PCDH15: variants seen among roughly 807,000 people sequenced by gnomAD.
The protein encoded by PCDH15 is protocadherin related 15, also known as protocadherin-15.
A neutral mutation model predicts 178.5 loss-of-function variants in PCDH15; 129 were observed. That is an observed-to-expected ratio of 0.72 (90% CI 0.63 to 0.84). The LOEUF is 0.84. Among genes scored for constraint, PCDH15 ranks in the 40% least tolerant of loss-of-function variants. The pLI is 0.00. For missense variants in PCDH15, 2,230 were observed against 2,099.9 expected (o/e 1.06, Z -1.21); for synonymous variants, 800 against 732.0 (o/e 1.09, Z -1.50).
intron 2 of PCDH15, among the ~76,000 whole-genome samples, chr10:55,161,363 C>T (rs1409337680): frequency 6.6e-6 from 1 of 152,110 alleles, no homozygotes; most frequent in Non-Finnish European, 1.5e-5. Flanking sequence ...TTTAAAACTA[C>T]CTCTGCATAA....
chr10:54,938,690 A>G (rs1837973860), intron 2 of PCDH15, among the ~76,000 whole-genome samples: 1 of 152,178 alleles, frequency 6.6e-6, no homozygotes, highest in Non-Finnish European at 1.5e-5. Context: ...GTTAATTTAT[A>G]TGGCAAAAGA....
intron 26 of PCDH15, among the ~76,000 whole-genome samples, chr10:53,885,545 T>C (rs1170215885): frequency 2.6e-5 from 4 of 152,158 alleles, no homozygotes; most frequent in Admixed American, 2.6e-4. Flanking sequence ...TAATTATTTA[T>C]TTTTTCTTAA....
chr10:53,933,755 T>C (rs12256343), intron 25 of PCDH15, among the ~76,000 whole-genome samples: 5,217 of 152,010 alleles, frequency 0.034, 259 homozygotes, highest in African/African-American at 0.12. Context: ...CCACACTGAC[T>C]TCCACAGTGG....
intron 26 of PCDH15, among the ~76,000 whole-genome samples, chr10:53,880,960 C>T (rs2080665932): frequency 6.6e-6 from 1 of 152,132 alleles, no homozygotes; most frequent in South Asian, 2.1e-4. Flanking sequence ...GGAGCTCTCC[C>T]TCGTGCTCTC....
Position 53,821,423 on chromosome 10 carries a change from T to TATCA in PCDH15, c.4368-1197_4368-1194dup, listed in dbSNP as rs1171483105. 15 of 1,004,192 alleles carry TATCA rather than the reference T, an allele frequency of 1.5e-5. No homozygotes were observed. The East Asian group carries it at 3.0e-4, about 20-fold the overall frequency. The allele number at this position is 1,004,192 out of a possible 1,614,324, so 62.2% of individuals were successfully genotyped here. On this transcript the variant is annotated intron_variant, in intron 32 of 37. Transcript: ENST00000644397. ...ATAGGCTTCAAGAAAAAACAGAACCTATCAATCATATCAGTTTTAACTTAT... is the reference window on the plus strand; with the variant it reads ...ATAGGCTTCAAGAAAAAACAGAACCTATCAATCAATCATATCAGTTTTAACTTAT...
At chr10:54,183,741 G>C (rs1418707231) in intron 12 of PCDH15, 148 bp from the exon 13 acceptor site, 1 of 838,308 alleles carries the variant, frequency 1.2e-6, no homozygotes, top group East Asian at 2.6e-5. Flanking sequence ...GGACGTAATA[G>C]AGACGTAATA....
At chr10:53,980,340 A>G (rs1157086676) in intron 21 of PCDH15, among the ~76,000 whole-genome samples, 1 of 152,152 alleles carries the variant, frequency 6.6e-6, no homozygotes, top group Non-Finnish European at 1.5e-5. Context: ...AGTCTTCCTA[A>G]TTTTTGGTAA....
intron 2 of PCDH15, among the ~76,000 whole-genome samples, chr10:55,159,192 A>G (rs1386306718): frequency 4.6e-5 from 7 of 151,760 alleles, no homozygotes; most frequent in African/African-American, 7.3e-5. Context: ...ATAATGCACC[A>G]CTCATAAAAA....
intron 3 of PCDH15, among the ~76,000 whole-genome samples, chr10:54,877,541 A>G (rs1459756115): frequency 1.3e-5 from 2 of 152,224 alleles, no homozygotes; most frequent in South Asian, 2.1e-4. Context: ...GAAATTTTCA[A>G]TAATACAATG....
At chr10:55,596,680 G>T (rs555592081) in intron 2 of PCDH15, among the ~76,000 whole-genome samples, 1 of 151,968 alleles carries the variant, frequency 6.6e-6, no homozygotes, top group Non-Finnish European at 1.5e-5. Context: ...TTTAATGTAC[G>T]TTTTTGCCAT....
chr10:53,851,760 T>G (rs2078393302), intron 28 of PCDH15, among the ~76,000 whole-genome samples: 1 of 140,618 alleles, frequency 7.1e-6, no homozygotes, highest in Non-Finnish European at 1.5e-5. Context: ...ACTATACAAA[T>G]AAATAAATTC....
At chr10:54,055,125 G>A (rs1409055805) in intron 18 of PCDH15, among the ~76,000 whole-genome samples, 3 of 152,148 alleles carry the variant, frequency 2.0e-5, no homozygotes, top group African/African-American at 7.2e-5. Flanking sequence ...TTTAATGACT[G>A]TATCACTACC....
At chr10:55,066,089 T>C (rs915592435) in intron 2 of PCDH15, among the ~76,000 whole-genome samples, 1 of 151,904 alleles carries the variant, frequency 6.6e-6, no homozygotes, top group African/African-American at 2.4e-5. Context: ...TTTATTTATA[T>C]GCTATTTACT....
intron 15 of PCDH15, among the ~76,000 whole-genome samples, chr10:54,102,150 C>T (rs934891366): frequency 1.3e-5 from 2 of 152,168 alleles, no homozygotes; most frequent in African/African-American, 4.8e-5. Context: ...GCCTGTCTTT[C>T]TCCCTTTCCA....
intron 2 of PCDH15, chr10:54,619,007 C>G (rs2093274109): frequency 1.3e-5 from 2 of 151,992 alleles, no homozygotes; most frequent in South Asian, 4.1e-4. Flanking sequence ...AATTTCAGTT[C>G]ATGATGTTAC....
intron 2 of PCDH15, among the ~76,000 whole-genome samples, chr10:54,995,946 G>T (rs1839633291): frequency 6.6e-6 from 1 of 152,038 alleles, no homozygotes; most frequent in South Asian, 2.1e-4. Flanking sequence ...TGAAGAGATG[G>T]ATTTGAGACT....
At chr10:54,324,052 T>C (rs553539037) in intron 7 of PCDH15, among the ~76,000 whole-genome samples, 2 of 152,198 alleles carry the variant, frequency 1.3e-5, no homozygotes, top group South Asian at 4.1e-4. Flanking sequence ...CCTGCTATCC[T>C]CCCATTTCAC....
intron 2 of PCDH15, among the ~76,000 whole-genome samples, chr10:54,660,489 A>G (rs1232818949): frequency 6.6e-6 from 1 of 152,130 alleles, no homozygotes; most frequent in Admixed American, 6.6e-5. Flanking sequence ...CATTTTCCAA[A>G]AAAAGCCAGG....
In PCDH15 at chr10:53,961,851, T is replaced by C; in HGVS notation, c.2910A>G (p.Val970=). The change falls in exon 22 of 38, where the codon GTA becomes GTG. Residue 970 remains valine (V), a synonymous_variant. Transcript: ENST00000644397. ...ASRVRYRVDD[V]QFPYPASIFE... Reference sequence around the variant, plus strand: ...AAATACTGGCAGGGTAAGGAAACTGTACATCATCTACTCTATACCTCACAC... The same window carrying C: ...AAATACTGGCAGGGTAAGGAAACTGCACATCATCTACTCTATACCTCACAC... The C allele has an allele frequency of 6.2e-7, 1 of 1,610,476 alleles. No individual in the cohort carries two copies.
Sources: gnomAD v4.1 joint callset for allele counts (sites outside exome capture counted in the v4.1 genomes callset) on GRCh38, gnomAD v4.1.1 for gene constraint, MANE v1.5 for transcripts, NCBI Gene and HGNC (gene_info 2026-07-23, HGNC 2026-07-21) for gene names.